The following BRD9 variants were observed in gnomAD, a reference collection of about 807,000 sequenced individuals.
The protein encoded by BRD9 is bromodomain-containing protein 9.
Under a neutral mutation model 68.7 loss-of-function variants are expected in BRD9, and 47 were observed. The ratio of observed to expected loss-of-function variants is 0.68; its 90% CI spans 0.54 to 0.87. BRD9 has a LOEUF of 0.87. Ranked by LOEUF, BRD9 falls within the 40% of genes least tolerant of loss-of-function variation. The pLI is 0.00. For missense variants in BRD9, 670 were observed against 748.4 expected, an observed-to-expected ratio of 0.90 and a Z score of 1.22; for synonymous variants, 313 against 293.9, an observed-to-expected ratio of 1.06 and a Z score of -0.67.
chr5:883,315 T>C (rs1333327345), intron 8 of BRD9: 5 of 456,646 alleles, frequency 1.1e-5, no homozygotes, highest in East Asian at 1.4e-4. Flanking sequence ...ATGTTGGATA[T>C]AGAGGTGAAA....
chr5:886,934 G>C, intron 6 of BRD9: 1 of 679,040 alleles, frequency 1.5e-6, no homozygotes, highest in Non-Finnish European at 2.4e-6. Flanking sequence ...CACCGCCAGA[G>C]CGCGGCAGGT....
At chr5:881,072 G>A (rs372612557) in intron 9 of BRD9, 35 bp downstream of exon 9, 232 of 1,604,864 alleles carry the variant, frequency 1.4e-4, no homozygotes, top group Non-Finnish European at 1.9e-4. Flanking sequence ...AGCAGTGTAC[G>A]GAGAGCATAA....
At chr5:888,727 C>T (rs894162067) in intron 5 of BRD9, among the ~76,000 whole-genome samples, 9 of 152,180 alleles carry the variant, frequency 5.9e-5, no homozygotes, top group Admixed American at 2.6e-4. Context: ...CGTGCCACAC[C>T]GGACACCTCA....
intron 9 of BRD9, among the ~76,000 whole-genome samples, chr5:880,445 T>C (rs1346955966): frequency 1.3e-4 from 20 of 151,192 alleles, no homozygotes; most frequent in Admixed American, 2.0e-4. Context: ...CTTCACACAC[T>C]GGAGAAAACC....
intron 14 of BRD9, chr5:866,277 T>C (rs1322579579): frequency 1.3e-5 from 2 of 152,252 alleles, no homozygotes; most frequent in African/African-American, 4.8e-5. Context: ...AGCAGACCTA[T>C]CACCCAACGG....
Position 882,640 on chromosome 5 carries a change from C to T in BRD9, c.966+1298G>A, listed in dbSNP as rs1374031442. The T allele has an allele frequency of 1.8e-4, 27 of 147,928 alleles. No individual in the cohort carries two copies. The East Asian group carries it at 6.2e-3, about 34-fold the overall frequency. The allele number at this position is 147,928 out of a possible 1,614,324, so 9.2% of individuals were successfully genotyped here. ...CAACAGGCGAGCCAAGCAACCGCCCCACACGTGAGCCACGCAGACCACAAC... is the reference window on the plus strand; with the variant it reads ...CAACAGGCGAGCCAAGCAACCGCCCTACACGTGAGCCACGCAGACCACAAC... On this transcript the variant is annotated intron_variant, in intron 8 of 15. Transcript: ENST00000467963.
In BRD9 at chr5:865,782, C is replaced by CAA. The variant is rs921189946; in HGVS notation, c.1526-202_1526-201insTT. ...CCCTTAGCAGTGAGTGAAGGGAAGGCAGACACCCAGCGTCCTTTGCTCAAG... is the reference window on the plus strand; with the variant it reads ...CCCTTAGCAGTGAGTGAAGGGAAGGCAAAGACACCCAGCGTCCTTTGCTCAAG... On this transcript the variant is annotated intron_variant, in intron 14 of 15. Transcript: ENST00000467963. 70 of 559,362 alleles carry CAA rather than the reference C, an allele frequency of 1.3e-4. No homozygotes were observed. In the Admixed American group the frequency reaches 1.9e-3, roughly 15 times the overall value. The allele number at this position is 559,362 out of a possible 1,614,324, so 34.6% of individuals were successfully genotyped here. A position where few individuals can be genotyped will look rare whatever the true frequency, so the allele number is the denominator to read the frequency against.
intron 12 of BRD9, among the ~76,000 whole-genome samples, chr5:873,847 G>C (rs1750507359): frequency 6.6e-6 from 1 of 152,228 alleles, no homozygotes; most frequent in Admixed American, 6.5e-5. Context: ...GGGAAGGACA[G>C]AGACTCATCC....
intron 2 of BRD9, 48 bp downstream of exon 2, chr5:891,592 A>G: frequency 6.5e-7 from 1 of 1,538,296 alleles, no homozygotes; most frequent in South Asian, 1.2e-5. Context: ...CAGGCTCCCC[A>G]CGGGCTCCTC....
chr5:887,479 G>C lies in BRD9; in HGVS notation c.607-8C>G. On this transcript the variant is annotated splice_region_variant and splice_polypyrimidine_tract_variant and intron_variant, in intron 5 of 15. Transcript: ENST00000467963. ...CATCAGCTTGAAATCTGCCTGAAAA[G>C]AAAACAGGAAAGACTTATCAGGTTT... The C allele has an allele frequency of 6.2e-7, 1 of 1,602,404 alleles. No individual in the cohort carries two copies. Among genetic ancestry groups the C allele is most frequent in the Non-Finnish European group, 8.5e-7 (1 of 1,169,888 alleles).
At chr5:883,220 T>C in intron 8 of BRD9, 1 of 424,456 alleles carries the variant, frequency 2.4e-6, no homozygotes, top group Non-Finnish European at 4.7e-6. Flanking sequence ...TTACATCCCA[T>C]CCCATGTGCA....
chr5:865,263 GA>G, intron 15 of BRD9, 150 bp downstream of exon 15: 1 of 1,080,258 alleles, frequency 9.3e-7, no homozygotes, highest in Non-Finnish European at 1.3e-6. Context: ...GCGACCCAAG[GA>G]CATCTGTGGA....
At chr5:871,090 C>A (rs932706692) in intron 13 of BRD9, among the ~76,000 whole-genome samples, 1 of 152,218 alleles carries the variant, frequency 6.6e-6, no homozygotes, top group Admixed American at 6.5e-5. Flanking sequence ...GACCAAAGCC[C>A]AAGCCCATGC....
Position 892,730 on chromosome 5 carries a change from C to A in BRD9, c.-73G>T. 8.1e-7 allele frequency: 1 copy of A among 1,236,460 alleles called. No individual in the cohort carries two copies. The highest frequency in any genetic ancestry group is 1.0e-6 in the Non-Finnish European group (1 of 981,474). 76.6% of individuals were successfully genotyped at this position (1,236,460 alleles called of 1,614,324 possible). Reference sequence around the variant, plus strand: ...CCCGGTCGGACCTTGGCCGCCACCGCCCCCTGGCCCTGGCTGGCCGCCCGC... The same window carrying A: ...CCCGGTCGGACCTTGGCCGCCACCGACCCCTGGCCCTGGCTGGCCGCCCGC... On this transcript the variant is annotated 5_prime_UTR_variant, in exon 1 of 16. Coordinates refer to ENST00000467963, the MANE Select transcript of BRD9 (RefSeq NM_023924.5).
At chr5:871,634 A>G (rs1750139700) in intron 12 of BRD9, 70 bp from the exon 13 acceptor site, 3 of 1,404,036 alleles carry the variant, frequency 2.1e-6, no homozygotes, top group Admixed American at 3.4e-5. Flanking sequence ...ATTCGCTGAC[A>G]TTACACACAC....
In BRD9 at chr5:881,117, C is replaced by T. The variant is rs566491244; in HGVS notation, c.1032G>A (p.Pro344=). The change falls in exon 9 of 16, where the codon CCG becomes CCA. Residue 344 remains proline, a synonymous_variant. Coordinates refer to ENST00000467963, the MANE Select transcript of BRD9 (RefSeq NM_023924.5). Reference sequence around the variant, plus strand: ...TGAGCGGGCACCCACCATCAGCGTCCGGCTCGGCCGTGTTGACCACGCTGT... The same window carrying T: ...TGAGCGGGCACCCACCATCAGCGTCTGGCTCGGCCGTGTTGACCACGCTGT... ...LLYSVVNTAE[P]DADEEETHPV... is the part of the protein sequence containing the mutation. 1.3e-4 allele frequency: 204 copies of T among 1,614,052 alleles called. 1 individual carries two copies. Among genetic ancestry groups the T allele is most frequent in the South Asian group, 6.7e-4 (61 of 91,086 alleles).
At chr5:890,994 G>A (rs1023783997) in intron 3 of BRD9, among the ~76,000 whole-genome samples, 161 bp downstream of exon 3, 2 of 152,122 alleles carry the variant, frequency 1.3e-5, no homozygotes, top group African/African-American at 2.4e-5. Context: ...CAGAGACACC[G>A]GAGGAAACCT....
intron 15 of BRD9, among the ~76,000 whole-genome samples, chr5:864,916 C>T (rs1386975792): frequency 2.0e-5 from 3 of 152,212 alleles, no homozygotes; most frequent in African/African-American, 7.2e-5. Flanking sequence ...GCTCCATGCA[C>T]TGTTAACACC....
chr5:890,249 A>G (rs1390719712), intron 3 of BRD9, among the ~76,000 whole-genome samples: 1 of 152,190 alleles, frequency 6.6e-6, no homozygotes, highest in Non-Finnish European at 1.5e-5. Flanking sequence ...AGGAGCTCAG[A>G]AGGCCACCAG....
Sources: gnomAD v4.1 joint callset for allele counts (sites outside exome capture counted in the v4.1 genomes callset) on GRCh38, gnomAD v4.1.1 for gene constraint, MANE v1.5 for transcripts, NCBI Gene and HGNC (gene_info 2026-07-23, HGNC 2026-07-21) for gene names.